GRM5: variants seen among roughly 807,000 people sequenced by gnomAD.
GRM5 encodes the protein glutamate metabotropic receptor 5.
A neutral mutation model predicts 83.1 loss-of-function variants in GRM5; 19 were observed. The observed-to-expected ratio is 0.23, with a 90% CI of 0.16 to 0.34. The LOEUF is 0.34. GRM5 is among the 10% of genes least tolerant of loss of function. The probability of loss-of-function intolerance (pLI) is 1.00; values close to 1 mark genes in which losing one functional copy is unlikely to be tolerated. For synonymous variants in GRM5, 675 were observed against 633.6 expected (o/e 1.07, Z -0.98); for missense variants, 1,160 against 1,588.3 (o/e 0.73, Z 4.58).
chr11:88,866,307 A>G (rs1944664479), intron 2 of GRM5, among the ~76,000 whole-genome samples: 1 of 152,104 alleles, frequency 6.6e-6, no homozygotes, highest in South Asian at 2.1e-4. Flanking sequence ...ATAGGAACAG[A>G]AAACCAAACA....
intron 3 of GRM5, among the ~76,000 whole-genome samples, chr11:88,684,343 T>C (rs2135349275): frequency 6.6e-6 from 1 of 152,186 alleles, no homozygotes; most frequent in Non-Finnish European, 1.5e-5. Context: ...CTGTGGAAAA[T>C]GTACTAGAGA....
chr11:88,535,708 T>C (rs1026156819), intron 8 of GRM5, among the ~76,000 whole-genome samples: 2 of 152,200 alleles, frequency 1.3e-5, no homozygotes, highest in Non-Finnish European at 2.9e-5. Context: ...TTTCTGAAAT[T>C]GTTATAGCAT....
At chr11:88,854,147 G>T (rs1316062265) in intron 2 of GRM5, among the ~76,000 whole-genome samples, 1 of 150,048 alleles carries the variant, frequency 6.7e-6, no homozygotes, top group Non-Finnish European at 1.5e-5. Context: ...TCTGCCATTT[G>T]CAACATCAGC....
At chr11:89,050,844 T>TA (rs1483704616) in intron 1 of GRM5, among the ~76,000 whole-genome samples, 2 of 152,100 alleles carry the variant, frequency 1.3e-5, no homozygotes, top group African/African-American at 2.4e-5. Context: ...CTTAGCAAGT[T>TA]AACACAGGGA....
intron 2 of GRM5, among the ~76,000 whole-genome samples, chr11:88,873,793 A>G (rs561827779): frequency 3.3e-5 from 5 of 151,846 alleles, no homozygotes; most frequent in Non-Finnish European, 7.4e-5. Context: ...CAAAAGTTGC[A>G]TTTCTAAAAC....
intron 3 of GRM5, among the ~76,000 whole-genome samples, chr11:88,752,122 T>C (rs6483422): frequency 2.0e-5 from 3 of 151,998 alleles, no homozygotes. Context: ...GCAAGAGAAA[T>C]AAATAAATGG....
intron 8 of GRM5, among the ~76,000 whole-genome samples, chr11:88,535,504 A>G (rs1265991063): frequency 1.3e-5 from 2 of 152,226 alleles, no homozygotes; most frequent in Non-Finnish European, 1.5e-5. Flanking sequence ...AGGTCGAAAT[A>G]AGTAGGTCCT....
chr11:88,696,682 T>C (rs1015539390), intron 3 of GRM5, among the ~76,000 whole-genome samples: 1 of 152,190 alleles, frequency 6.6e-6, no homozygotes, highest in Non-Finnish European at 1.5e-5. Context: ...CTCTAGTTTA[T>C]TTTTTAGCAG....
intron 3 of GRM5, among the ~76,000 whole-genome samples, chr11:88,723,768 C>A (rs1226456844): frequency 6.6e-6 from 1 of 152,152 alleles, no homozygotes; most frequent in Admixed American, 6.6e-5. Context: ...CTTAGCCAGG[C>A]ATCAGGACCC....
At chr11:88,788,916 A>C (rs973564457) in intron 3 of GRM5, among the ~76,000 whole-genome samples, 6 of 152,192 alleles carry the variant, frequency 3.9e-5, no homozygotes, top group African/African-American at 1.4e-4. Flanking sequence ...TGACAGTTTG[A>C]TAGAGATTCT....
chr11:89,056,335 A>G (rs1476207065), intron 1 of GRM5, among the ~76,000 whole-genome samples: 4 of 152,168 alleles, frequency 2.6e-5, no homozygotes, highest in African/African-American at 7.2e-5. Flanking sequence ...TTGCTTCTAT[A>G]TAAGTTCCTG....
rs572945472 is a variant in GRM5 at position 88,975,389 on chromosome 11, C to T, written c.661+71823G>A. 1.6e-4 allele frequency among the ~76,000 whole-genome samples: 24 copies of T among 152,224 alleles called. No individual in the cohort carries two copies. In the South Asian group the frequency reaches 3.1e-3, roughly 20 times the overall value. ...AAACTGTAGTGTGAACAAAAATTATCTTGAAGTCTTGTTAAAACACAGATT... is the reference window on the plus strand; with the variant it reads ...AAACTGTAGTGTGAACAAAAATTATTTTGAAGTCTTGTTAAAACACAGATT... On this transcript the variant is annotated intron_variant, in intron 2 of 9. Coordinates refer to ENST00000305447, the MANE Select transcript of GRM5 (RefSeq NM_001143831.3).
chr11:88,526,980 G>A (rs1941894348), intron 8 of GRM5, among the ~76,000 whole-genome samples: 1 of 152,046 alleles, frequency 6.6e-6, no homozygotes, highest in Non-Finnish European at 1.5e-5. Context: ...TTAGATGTAG[G>A]CATAAAGAAG....
rs1284018533 is a variant in GRM5, at chr11:88,507,199, G to T, written c.*1393C>A. ...TAGTTTTAAAAAGTGACAGTATGAAGTGCACAAAATCATATTAATCATTAT... is the reference window on the plus strand; with the variant it reads ...TAGTTTTAAAAAGTGACAGTATGAATTGCACAAAATCATATTAATCATTAT... On this transcript the variant is annotated 3_prime_UTR_variant, in exon 10 of 10. Coordinates refer to ENST00000305447, the MANE Select transcript of GRM5 (RefSeq NM_001143831.3). The T allele has an allele frequency of 6.6e-6, 1 of 152,144 alleles. No homozygotes were observed. Among genetic ancestry groups the T allele is most frequent in the Admixed American group, 6.5e-5 (1 of 15,270 alleles). The allele number at this position is 152,144 out of a possible 1,614,324, so 9.4% of individuals were successfully genotyped here. A position where few individuals can be genotyped will look rare whatever the true frequency, so the allele number is the denominator to read the frequency against.
intron 3 of GRM5, among the ~76,000 whole-genome samples, chr11:88,670,806 A>G (rs1940174201): frequency 6.6e-6 from 1 of 152,100 alleles, no homozygotes; most frequent in African/African-American, 2.4e-5. Flanking sequence ...GACATAGTTC[A>G]GTATAAAATG....
intron 2 of GRM5, among the ~76,000 whole-genome samples, chr11:88,957,833 A>G (rs1274306840): frequency 6.6e-6 from 1 of 152,126 alleles, no homozygotes; most frequent in Non-Finnish European, 1.5e-5. Context: ...ATGTAAATAG[A>G]GTTTACAAAA....
chr11:88,766,688 A>C (rs1392436272), intron 3 of GRM5, among the ~76,000 whole-genome samples: 2 of 152,068 alleles, frequency 1.3e-5, no homozygotes, highest in Non-Finnish European at 2.9e-5. Flanking sequence ...ATTGCAACAG[A>C]AACAAAAATT....
intron 3 of GRM5, among the ~76,000 whole-genome samples, chr11:88,742,191 A>G (rs1035099043): frequency 1.3e-5 from 2 of 152,108 alleles, no homozygotes; most frequent in Admixed American, 6.6e-5. Flanking sequence ...TCAATCTCTG[A>G]TCATTTCTAA....
chr11:89,009,760 G>T (rs1448351830), intron 2 of GRM5, among the ~76,000 whole-genome samples: 2 of 150,966 alleles, frequency 1.3e-5, no homozygotes, highest in Admixed American at 1.3e-4. Flanking sequence ...AATTAGCCGG[G>T]CGTGGTAGCG....
Sources: allele counts gnomAD v4.1 joint callset (sites outside exome capture counted in the v4.1 genomes callset), GRCh38; gene constraint gnomAD v4.1.1; transcripts MANE v1.5; gene names NCBI Gene and HGNC (gene_info 2026-07-23, HGNC 2026-07-21).